Variants in STK17B observed in about 807,000 individuals in gnomAD.
STK17B encodes the protein serine/threonine kinase 17b, also known as serine/threonine-protein kinase 17B.
Under a neutral mutation model 42.0 loss-of-function variants are expected in STK17B, and 21 were observed. That is an observed-to-expected ratio of 0.50 (90% confidence interval 0.35 to 0.72). The LOEUF (loss-of-function observed/expected upper bound fraction) is 0.72. Ranked by LOEUF, STK17B falls within the 30% of genes least tolerant of loss-of-function variation. The pLI is 0.00. For missense variants in STK17B, 349 were observed against 446.0 expected (o/e 0.78, Z 1.96); for synonymous variants, 143 against 148.4 (o/e 0.96, Z 0.26).
intron 2 of STK17B, among the ~76,000 whole-genome samples, chr2:196,159,189 T>G (rs1205644725): frequency 6.6e-6 from 1 of 152,014 alleles, no homozygotes; most frequent in African/African-American, 2.4e-5. Context: ...AAGAAAACTG[T>G]GCATCTGAAA....
Position 196,139,676 on chromosome 2 carries a change from T to A in STK17B, c.780A>T (p.Ser260=), listed in dbSNP as rs1247702651. ...VNVDYSEETF[S]SVSQLATDFI... ...AGTCTGTGGCCAGCTGTGAAACTGA[T>A]GAAAAAGTTTCTTCCGAATAATCTA... The change falls in exon 7 of 8, where the codon TCA becomes TCT. Residue 260 remains serine (S), a synonymous_variant. Coordinates refer to ENST00000263955, the MANE Select transcript of STK17B (RefSeq NM_004226.4). 2 of 1,472,270 alleles carry A rather than the reference T, an allele frequency of 1.4e-6. No homozygotes were observed. The highest frequency in any genetic ancestry group is 1.8e-6 in the Non-Finnish European group (2 of 1,108,814). The allele number at this position is 1,472,270 out of a possible 1,614,324, so 91.2% of individuals were successfully genotyped here.
At chr2:196,147,732 A>ATT (rs1491345798) in intron 3 of STK17B, among the ~76,000 whole-genome samples, 1 of 64,790 alleles carries the variant, frequency 1.5e-5, no homozygotes, top group Non-Finnish European at 3.7e-5. Flanking sequence ...ATGAGACATA[A>ATT]TATATTTTTT....
At chr2:196,152,630 A>G (rs1224958019) in intron 3 of STK17B, among the ~76,000 whole-genome samples, 4 of 152,260 alleles carry the variant, frequency 2.6e-5, no homozygotes, top group Non-Finnish European at 5.9e-5. Flanking sequence ...AACTGGCCAT[A>G]ATAATAGTCA....
chr2:196,161,730 G>A (rs566249418), intron 2 of STK17B, among the ~76,000 whole-genome samples: 1 of 151,730 alleles, frequency 6.6e-6, no homozygotes, highest in Admixed American at 6.6e-5. Flanking sequence ...GTTGGCAAGG[G>A]TGGTCTCGAA....
chr2:196,141,156 C>T (rs1699488843), intron 6 of STK17B, 93 bp downstream of exon 6: 1 of 857,142 alleles, frequency 1.2e-6, no homozygotes, highest in Non-Finnish European at 1.8e-6. Flanking sequence ...TGAAGAAAGC[C>T]TTATTATTTA....
rs1274744607 is a variant in STK17B at position 196,163,409 on chromosome 2, T to C, written c.-26A>G. The C allele has an allele frequency of 6.4e-7, 1 of 1,557,246 alleles. No homozygotes were observed. The highest frequency in any genetic ancestry group is 8.6e-7 in the Non-Finnish European group (1 of 1,160,236). ...GTTAGGTGATTCCCAGGTCTGCTTC[T>C]TTAGTCACTTATTTTTACCTATGCA... On this transcript the variant is annotated 5_prime_UTR_variant, in exon 2 of 8. Transcript: ENST00000263955.
intron 4 of STK17B, 57 bp from the exon 5 acceptor site, chr2:196,143,743 C>A: frequency 7.3e-7 from 1 of 1,366,636 alleles, no homozygotes; most frequent in Non-Finnish European, 9.6e-7. Context: ...ATACTAGTCT[C>A]AGATGGAAAG....
At chr2:196,149,347 G>A (rs1303938217) in intron 3 of STK17B, among the ~76,000 whole-genome samples, 1 of 151,854 alleles carries the variant, frequency 6.6e-6, no homozygotes, top group African/African-American at 2.4e-5. Flanking sequence ...GTATTTTTTA[G>A]TGGAGACTGG....
intron 3 of STK17B, among the ~76,000 whole-genome samples, chr2:196,150,634 A>G (rs564478455): frequency 6.6e-6 from 1 of 152,366 alleles, no homozygotes; most frequent in Admixed American, 6.5e-5. Context: ...CAGTAAAACA[A>G]AGTAATATCT....
intron 3 of STK17B, chr2:196,153,816 T>G (rs1310377130): frequency 6.6e-6 from 1 of 152,170 alleles, no homozygotes; most frequent in African/African-American, 2.4e-5. Context: ...AGAAACTGAT[T>G]AGAACTCATT....
In STK17B at chr2:196,156,635, C is replaced by T. The variant is rs1370195092; in HGVS notation, c.139G>A (p.Val47Ile). 1 of 1,611,984 alleles carries T rather than the reference C, an allele frequency of 6.2e-7. No homozygotes were observed. Among genetic ancestry groups the T allele is most frequent in the South Asian group, 1.1e-5 (1 of 90,678 alleles). ...KELGRGKFAV[V>I]RQCISKSTGQ... is the part of the protein sequence containing the mutation. Reference sequence around the variant, plus strand: ...GTAGATTTTGATATACATTGTCTAACCACAGCAAATTTTCCTCTGGGGGAA... The same window carrying T: ...GTAGATTTTGATATACATTGTCTAATCACAGCAAATTTTCCTCTGGGGGAA... The change falls in exon 3 of 8, where the codon GTT (valine) becomes ATT (isoleucine). Residue 47 changes from valine to isoleucine, a missense_variant. Val to Ile is a conservative substitution (Grantham distance 29). Transcript: ENST00000263955.
At chr2:196,163,073 T>C (rs1454209029) in intron 2 of STK17B, among the ~76,000 whole-genome samples, 189 bp downstream of exon 2, 3 of 152,042 alleles carry the variant, frequency 2.0e-5, no homozygotes, top group Non-Finnish European at 4.4e-5. Flanking sequence ...ATGATTTAAG[T>C]TCACTAAACC....
At chr2:196,171,108 G>GC (rs1699935561) in intron 1 of STK17B, 1 of 152,632 alleles carries the variant, frequency 6.6e-6, no homozygotes, top group Non-Finnish European at 1.5e-5. Context: ...ACCGCCGGCC[G>GC]CCCCCCGCGC....
rs1699394834 is a variant in STK17B, at chr2:196,135,870, A to C, written c.*1577T>G. The C allele has an allele frequency of 8.8e-6, 1 of 113,536 alleles. No homozygotes were observed. The highest frequency in any genetic ancestry group is 2.6e-5 in the African/African-American group (1 of 39,196). The allele number at this position is 113,536 out of a possible 1,614,324, so 7.0% of individuals were successfully genotyped here. On this transcript the variant is annotated 3_prime_UTR_variant, in exon 8 of 8. Coordinates refer to ENST00000263955, the MANE Select transcript of STK17B (RefSeq NM_004226.4). ...ATCTTGAAAAGTGTCTAAAGAATGTATTGTATCTATCTATAGATATATACA... is the reference window on the plus strand; with the variant it reads ...ATCTTGAAAAGTGTCTAAAGAATGTCTTGTATCTATCTATAGATATATACA...
chr2:196,156,522 A>G lies in STK17B; in HGVS notation c.252T>C (p.Leu84=). 1 of 1,614,124 alleles carries G rather than the reference A, an allele frequency of 6.2e-7. No individual in the cohort carries two copies. Among genetic ancestry groups the G allele is most frequent in the Non-Finnish European group, 8.5e-7 (1 of 1,179,998 alleles). The change falls in exon 3 of 8, where the codon CTT becomes CTC. Residue 84 remains leucine, a synonymous_variant. Coordinates refer to ENST00000263955, the MANE Select transcript of STK17B (RefSeq NM_004226.4). ...CACGGGGACAAGACTTTGCCAATTC[A>G]AGCACAGCAATCTCGTGTAAAATTT... The part of the protein sequence containing the change: ...RAEILHEIAV[L]ELAKSCPRVI...
At chr2:196,155,280 C>T (rs903266868) in intron 3 of STK17B, among the ~76,000 whole-genome samples, 7 of 152,098 alleles carry the variant, frequency 4.6e-5, no homozygotes, top group African/African-American at 1.2e-4. Flanking sequence ...AGTATCTTGG[C>T]CTTTTCTGCA....
chr2:196,168,787 A>T (rs1699900559), intron 1 of STK17B, among the ~76,000 whole-genome samples: 1 of 152,238 alleles, frequency 6.6e-6, no homozygotes, highest in Admixed American at 6.5e-5. Context: ...TTGTAACTTT[A>T]TAAGAACATT....
chr2:196,171,127 A>G, intron 1 of STK17B: 1 of 152,828 alleles, frequency 6.5e-6, no homozygotes, highest in Non-Finnish European at 1.5e-5. Context: ...GCGGAGCCCC[A>G]GGGAACCCGG....
rs1224602205 is a variant in STK17B at position 196,136,589 on chromosome 2, T to C, written c.*858A>G. 6.6e-6 allele frequency: 1 copy of C among 152,224 alleles called. No individual in the cohort carries two copies. The highest frequency in any genetic ancestry group is 2.4e-5 in the African/African-American group (1 of 41,472). 9.4% of individuals were successfully genotyped at this position (152,224 alleles called of 1,614,324 possible). A position where few individuals can be genotyped will look rare whatever the true frequency, so the allele number is the denominator to read the frequency against. Reference sequence around the variant, plus strand: ...AGTAAGCTGTCTGAGTGTGTCAACATTTTCTTCTATATTCAATTAATAAAT... The same window carrying C: ...AGTAAGCTGTCTGAGTGTGTCAACACTTTCTTCTATATTCAATTAATAAAT... On this transcript the variant is annotated 3_prime_UTR_variant, in exon 8 of 8. Coordinates refer to ENST00000263955, the MANE Select transcript of STK17B (RefSeq NM_004226.4).
Sources: allele counts gnomAD v4.1 joint callset (sites outside exome capture counted in the v4.1 genomes callset), GRCh38; gene constraint gnomAD v4.1.1; transcripts MANE v1.5; gene names NCBI Gene and HGNC (gene_info 2026-07-23, HGNC 2026-07-21).